The following DPP10 variants were observed in gnomAD, a reference collection of about 807,000 sequenced individuals.
DPP10 encodes the protein dipeptidyl peptidase like 10.
Under a neutral mutation model 120.9 loss-of-function variants are expected in DPP10, and 33 were observed. The ratio of observed to expected loss-of-function variants is 0.27; its 90% CI spans 0.21 to 0.37. The LOEUF (loss-of-function observed/expected upper bound fraction) is 0.37. Among genes scored for constraint, DPP10 ranks in the 10% least tolerant of loss-of-function variants. The pLI is 1.00. For missense variants in DPP10, 816 were observed against 942.8 expected (o/e 0.87, Z 1.76); for synonymous variants, 337 against 326.1 (o/e 1.03, Z -0.36).
At chr2:114,580,855 G>A (rs72951898) in intron 1 of DPP10, among the ~76,000 whole-genome samples, 2 of 151,644 alleles carry the variant, frequency 1.3e-5, no homozygotes, top group East Asian at 1.9e-4. Flanking sequence ...ATTCCTGTGC[G>A]CTGTTCTTTC....
intron 7 of DPP10, among the ~76,000 whole-genome samples, chr2:115,727,335 C>G (rs886932611): frequency 6.6e-6 from 1 of 152,092 alleles, no homozygotes; most frequent in Non-Finnish European, 1.5e-5. Context: ...AATCTGTGAG[C>G]TGAGCTAGAT....
chr2:115,264,045 A>T (rs973908515), intron 1 of DPP10, among the ~76,000 whole-genome samples: 15 of 152,204 alleles, frequency 9.9e-5, no homozygotes, highest in African/African-American at 3.6e-4. Context: ...TCCATAGTAA[A>T]TACTCAATAG....
chr2:115,395,882 A>G (rs2067643894), intron 3 of DPP10, among the ~76,000 whole-genome samples: 1 of 152,168 alleles, frequency 6.6e-6, no homozygotes, highest in African/African-American at 2.4e-5. Context: ...TGCTGTACAT[A>G]CTATATACAA....
intron 1 of DPP10, among the ~76,000 whole-genome samples, chr2:115,280,343 G>A (rs1574277461): frequency 6.6e-6 from 1 of 152,126 alleles, no homozygotes. Flanking sequence ...TATATTGGAA[G>A]CCTTGAATAT....
chr2:114,889,804 C>A (rs1299007347), intron 1 of DPP10, among the ~76,000 whole-genome samples: 1 of 152,164 alleles, frequency 6.6e-6, no homozygotes, highest in Non-Finnish European at 1.5e-5. Context: ...ACGATTCAAT[C>A]CCTTTTTCTT....
At chr2:115,376,046 G>T (rs2065768607) in intron 3 of DPP10, among the ~76,000 whole-genome samples, 1 of 152,090 alleles carries the variant, frequency 6.6e-6, no homozygotes, top group Non-Finnish European at 1.5e-5. Context: ...GTGGGTGAAT[G>T]TTGAAAGCGG....
chr2:115,315,630 A>G (rs775760515), intron 2 of DPP10, among the ~76,000 whole-genome samples: 12 of 152,192 alleles, frequency 7.9e-5, no homozygotes, highest in Non-Finnish European at 1.5e-4. Flanking sequence ...GATTTGTACT[A>G]CTTGTAAACA....
intron 1 of DPP10, among the ~76,000 whole-genome samples, chr2:115,292,844 C>G (rs1284171718): frequency 6.6e-6 from 1 of 152,134 alleles, no homozygotes; most frequent in African/African-American, 2.4e-5. Flanking sequence ...GCTAAATACC[C>G]TTCTGAAGAT....
chr2:115,436,102 A>G (rs758857417), intron 3 of DPP10, among the ~76,000 whole-genome samples: 2 of 151,822 alleles, frequency 1.3e-5, no homozygotes, highest in Non-Finnish European at 2.9e-5. Flanking sequence ...TGTTAGGTCA[A>G]AAGGGTGAAA....
chr2:114,574,628 G>C (rs1273218800), intron 1 of DPP10, among the ~76,000 whole-genome samples: 2 of 152,142 alleles, frequency 1.3e-5, no homozygotes, highest in Non-Finnish European at 2.9e-5. Flanking sequence ...ATTTCTCAAA[G>C]TGAAAAATGG....
chr2:115,010,864 G>T (rs916109731), intron 1 of DPP10, among the ~76,000 whole-genome samples: 1 of 152,152 alleles, frequency 6.6e-6, no homozygotes, highest in African/African-American at 2.4e-5. Context: ...GACAGAGGAT[G>T]CAACACCTGA....
chr2:115,688,638 C>G (rs2091140762), intron 5 of DPP10, among the ~76,000 whole-genome samples: 2 of 152,116 alleles, frequency 1.3e-5, no homozygotes, highest in Non-Finnish European at 2.9e-5. Flanking sequence ...TACTCATCAT[C>G]TCTTTCCCTA....
At chr2:114,602,423 A>G (rs1164210228) in intron 1 of DPP10, among the ~76,000 whole-genome samples, 1 of 151,928 alleles carries the variant, frequency 6.6e-6, no homozygotes, top group Non-Finnish European at 1.5e-5. Context: ...ATTGGAATAT[A>G]AATTGCTTTA....
intron 1 of DPP10, among the ~76,000 whole-genome samples, chr2:114,971,529 T>C (rs559620320): frequency 2.0e-5 from 3 of 152,318 alleles, no homozygotes; most frequent in African/African-American, 7.2e-5. Context: ...CACATTAAAA[T>C]TGTTTCACAC....
At chr2:115,652,302 C>T (rs1182419985) in intron 5 of DPP10, among the ~76,000 whole-genome samples, 3 of 151,700 alleles carry the variant, frequency 2.0e-5, no homozygotes, top group Admixed American at 1.3e-4. Flanking sequence ...AAGTGTATAG[C>T]ACAGTGTCTT....
chr2:115,793,348 T>G (rs1472887714), intron 19 of DPP10, among the ~76,000 whole-genome samples: 2 of 152,104 alleles, frequency 1.3e-5, no homozygotes, highest in African/African-American at 2.4e-5. Flanking sequence ...TTTAAATATA[T>G]TACCATAGTT....
At chr2:115,617,289 T>TATATATATATATAC (rs67359999) in intron 5 of DPP10, among the ~76,000 whole-genome samples, 8,917 of 135,960 alleles carry the variant, frequency 0.066, 429 homozygotes, top group East Asian at 0.15. Context: ...TATATATATA[T>TATATATATATATAC]ACACACATAG....
At chr2:114,813,307 C>A (rs1050683058) in intron 1 of DPP10, among the ~76,000 whole-genome samples, 7 of 152,174 alleles carry the variant, frequency 4.6e-5, no homozygotes, top group Admixed American at 4.6e-4. Context: ...ATTTGATTCT[C>A]AATCCTAAGA....
chr2:114,539,160 A>G (rs1686754497), intron 1 of DPP10, among the ~76,000 whole-genome samples: 1 of 148,688 alleles, frequency 6.7e-6, no homozygotes, highest in Non-Finnish European at 1.5e-5. Flanking sequence ...ATGTTATATT[A>G]CATGTTTTAT....
Sources: gnomAD v4.1 joint callset for allele counts (sites outside exome capture counted in the v4.1 genomes callset) on GRCh38, gnomAD v4.1.1 for gene constraint, MANE v1.5 for transcripts, NCBI Gene and HGNC (gene_info 2026-07-23, HGNC 2026-07-21) for gene names.